The following KLHL32 variants were observed in gnomAD, a reference collection of about 807,000 sequenced individuals.
KLHL32 encodes kelch-like protein 32.
A neutral mutation model predicts 64.8 loss-of-function variants in KLHL32; 35 were observed. The observed-to-expected ratio is 0.54, with a 90% confidence interval of 0.41 to 0.72. The LOEUF is 0.72. KLHL32 is among the 30% of genes least tolerant of loss of function. The probability of loss-of-function intolerance (pLI) is 0.00; values close to 1 mark genes in which losing one functional copy is unlikely to be tolerated. For missense variants in KLHL32, 589 were observed against 768.5 expected, an observed-to-expected ratio of 0.77 and a Z score of 2.76; for synonymous variants, 259 against 281.0, an observed-to-expected ratio of 0.92 and a Z score of 0.78.
chr6:97,052,939 T>C (rs1562283326), intron 4 of KLHL32, among the ~76,000 whole-genome samples: 1 of 152,180 alleles, frequency 6.6e-6, no homozygotes, highest in Non-Finnish European at 1.5e-5. Context: ...AAATTTCCAT[T>C]ACATCTCAGG....
chr6:97,023,734 T>C (rs779391391), intron 3 of KLHL32, among the ~76,000 whole-genome samples: 19 of 152,182 alleles, frequency 1.2e-4, no homozygotes, highest in Non-Finnish European at 1.9e-4. Flanking sequence ...TCTACATGGA[T>C]AGTATCACCT....
chr6:97,085,894 C>G (rs1032533911), intron 6 of KLHL32, among the ~76,000 whole-genome samples: 1 of 152,184 alleles, frequency 6.6e-6, no homozygotes, highest in African/African-American at 2.4e-5. Flanking sequence ...TTTCGCCTGA[C>G]ATAGCATTCT....
rs1368833231 is a variant in KLHL32 at position 97,139,313 on chromosome 6, CAT to C, written c.*33_*34del. 1.9e-6 allele frequency: 3 copies of C among 1,584,990 alleles called. No homozygotes were observed. Among genetic ancestry groups the C allele is most frequent in the African/African-American group, 2.7e-5 (2 of 74,080 alleles). On this transcript the variant is annotated 3_prime_UTR_variant, in exon 11 of 11. Coordinates refer to ENST00000369261, the MANE Select transcript of KLHL32 (RefSeq NM_052904.4). ...CAAGCCATCATGAACAGGAGGAAAA[CAT>C]AGCTCTGACTGTTGGATACTGGGCA...
chr6:97,113,848 C>T lies in KLHL32; in HGVS notation c.693C>T (p.Ile231=), dbSNP rs1263385432. 1.9e-6 allele frequency: 3 copies of T among 1,614,134 alleles called. No homozygotes were observed. Among genetic ancestry groups the T allele is most frequent in the Non-Finnish European group, 2.5e-6 (3 of 1,180,036 alleles). ...YQYMDELLQY[I]RFGLMDVDTL... ...ACATGGACGAGCTCCTGCAATACAT[C>T]CGCTTTGGCCTAATGGATGTGGATA... Residue 231 remains isoleucine, a synonymous_variant, in exon 7 of 11, where the codon ATC becomes ATT. Transcript: ENST00000369261.
At chr6:97,008,763 C>T (rs936187030) in intron 3 of KLHL32, among the ~76,000 whole-genome samples, 1 of 152,158 alleles carries the variant, frequency 6.6e-6, no homozygotes, top group African/African-American at 2.4e-5. Context: ...TTCCTAGCAT[C>T]CTTTCCCTCC....
intron 3 of KLHL32, among the ~76,000 whole-genome samples, chr6:97,026,933 G>A (rs1466405030): frequency 1.3e-5 from 2 of 152,078 alleles, no homozygotes; most frequent in South Asian, 2.1e-4. Flanking sequence ...GGAGGCCGAG[G>A]CAGGTGGATC....
At position 96,964,596 on chromosome 6, in the gene KLHL32, T is replaced by A. The variant is rs573581928; in HGVS notation, c.-65-2400T>A. On this transcript the variant is annotated intron_variant, in intron 1 of 10. Transcript: ENST00000369261. Reference sequence around the variant, plus strand: ...TGAACCCGGGAGGCGGAGCTTGCAGTGAGCCGAGATCGCCCCACTGCAGTC... The same window carrying A: ...TGAACCCGGGAGGCGGAGCTTGCAGAGAGCCGAGATCGCCCCACTGCAGTC... Among the ~76,000 whole-genome samples the A allele has an allele frequency of 4.6e-5, 7 of 152,274 alleles. No individual in the cohort carries two copies. The East Asian group carries it at 1.3e-3, about 29-fold the overall frequency.
intron 3 of KLHL32, among the ~76,000 whole-genome samples, chr6:96,989,149 T>C (rs1488767558): frequency 6.6e-6 from 1 of 152,230 alleles, no homozygotes; most frequent in African/African-American, 2.4e-5. Context: ...ATTGTGTTGT[T>C]AGCTGGTTAT....
At chr6:96,939,899 C>T (rs1771077811) in intron 1 of KLHL32, among the ~76,000 whole-genome samples, 2 of 151,936 alleles carry the variant, frequency 1.3e-5, no homozygotes, top group African/African-American at 2.4e-5. Context: ...ATAGAAGTAG[C>T]TTAGCCTAGG....
At chr6:96,959,199 C>T (rs9398268) in intron 1 of KLHL32, among the ~76,000 whole-genome samples, 7 of 152,282 alleles carry the variant, frequency 4.6e-5, no homozygotes, top group South Asian at 2.1e-4. Context: ...AGGCCTCCAA[C>T]GTCATGGATT....
At chr6:96,975,223 C>T (rs79284810) in intron 2 of KLHL32, among the ~76,000 whole-genome samples, 2 of 152,148 alleles carry the variant, frequency 1.3e-5, no homozygotes, top group Non-Finnish European at 2.9e-5. Context: ...GTAAGTTTCA[C>T]AATGTGTGAG....
intron 4 of KLHL32, among the ~76,000 whole-genome samples, chr6:97,056,262 C>T (rs981749933): frequency 1.3e-4 from 20 of 152,008 alleles, no homozygotes; most frequent in Middle Eastern, 3.4e-3. Flanking sequence ...CCCGCCACCA[C>T]GCCCGGCTAA....
Position 97,017,891 on chromosome 6 carries a change from T to G in KLHL32, c.205-23601T>G, listed in dbSNP as rs570840275. On this transcript the variant is annotated intron_variant, in intron 3 of 10. Transcript: ENST00000369261. Reference sequence around the variant, plus strand: ...CCTAGAGGAATGCAGAGCCCCGTGATGGAAGGAACCTGGGCCCCAAGTGAT... The same window carrying G: ...CCTAGAGGAATGCAGAGCCCCGTGAGGGAAGGAACCTGGGCCCCAAGTGAT... Among the ~76,000 whole-genome samples, 9 of 152,294 alleles carry G rather than the reference T, an allele frequency of 5.9e-5. No homozygotes were observed. The South Asian group carries it at 1.9e-3, about 32-fold the overall frequency.
chr6:97,049,783 G>T (rs1786556456), intron 4 of KLHL32, among the ~76,000 whole-genome samples: 1 of 152,064 alleles, frequency 6.6e-6, no homozygotes, highest in Non-Finnish European at 1.5e-5. Context: ...ATTTGCCTTG[G>T]GGTAGATTTT....
chr6:97,139,515 A>T lies in KLHL32; in HGVS notation c.*233A>T. 8.7e-6 allele frequency: 4 copies of T among 459,492 alleles called. No homozygotes were observed. The highest frequency in any genetic ancestry group is 1.5e-5 in the Non-Finnish European group (4 of 258,604). The allele number at this position is 459,492 out of a possible 1,614,324, so 28.5% of individuals were successfully genotyped here. On this transcript the variant is annotated 3_prime_UTR_variant, in exon 11 of 11. Transcript: ENST00000369261. Reference sequence around the variant, plus strand: ...TTTTATTGTGGTATAGCTTAGTGCCAATTTAAGGTATATTGTGTTCCATGG... The same window carrying T: ...TTTTATTGTGGTATAGCTTAGTGCCTATTTAAGGTATATTGTGTTCCATGG...
intron 9 of KLHL32, among the ~76,000 whole-genome samples, chr6:97,131,716 T>G (rs889075741): frequency 2.0e-5 from 3 of 152,138 alleles, no homozygotes; most frequent in African/African-American, 4.8e-5. Context: ...ATATGCTGAG[T>G]GGGCACTCAA....
At chr6:97,061,939 TTC>T (rs970657929) in intron 4 of KLHL32, among the ~76,000 whole-genome samples, 13 of 152,210 alleles carry the variant, frequency 8.5e-5, no homozygotes, top group Non-Finnish European at 1.8e-4. Flanking sequence ...CAAACACTGG[TTC>T]TGTTTCCATA....
In KLHL32 at chr6:96,928,207, A is replaced by G. The variant is rs139822759; in HGVS notation, c.-66+3181A>G. The stretch of plus-strand genomic sequence containing the variant: ...GATTGTGGAGATCAGGTCAGTCCCT[A>G]GGTAGTAGGGGGATTAGTGCTGGAA... On this transcript the variant is annotated intron_variant, in intron 1 of 10. Transcript: ENST00000369261. 3.3e-3 allele frequency among the ~76,000 whole-genome samples: 502 copies of G among 152,294 alleles called. 3 individuals are homozygous for G. The highest frequency in any genetic ancestry group is 4.6e-3 in the Non-Finnish European group (315 of 68,020).
chr6:96,994,771 G>A (rs1471694601), intron 3 of KLHL32, among the ~76,000 whole-genome samples: 1 of 152,144 alleles, frequency 6.6e-6, no homozygotes, highest in Admixed American at 6.5e-5. Context: ...AAAAATGTTA[G>A]GCTTAATTTA....
Sources: allele counts gnomAD v4.1 joint callset (sites outside exome capture counted in the v4.1 genomes callset), GRCh38; gene constraint gnomAD v4.1.1; transcripts MANE v1.5; gene names NCBI Gene and HGNC (gene_info 2026-07-23, HGNC 2026-07-21).